PAWR: variants seen among roughly 807,000 people sequenced by gnomAD.
PAWR encodes pro-apoptotic WT1 regulator, also known as PRKC apoptosis WT1 regulator protein.
Under a neutral mutation model 32.0 loss-of-function variants are expected in PAWR, and 23 were observed. The ratio of observed to expected loss-of-function variants is 0.72; its 90% confidence interval spans 0.52 to 1.02. The LOEUF (loss-of-function observed/expected upper bound fraction) is 1.02. PAWR is among the 50% of genes least tolerant of loss of function. The pLI is 0.00. For missense variants in PAWR, 457 were observed against 437.7 expected, an observed-to-expected ratio of 1.04 and a Z score of -0.39; for synonymous variants, 226 against 187.1, an observed-to-expected ratio of 1.21 and a Z score of -1.70.
At chr12:79,656,927 T>G (rs955122779) in intron 2 of PAWR, among the ~76,000 whole-genome samples, 1 of 152,014 alleles carries the variant, frequency 6.6e-6, no homozygotes, top group African/African-American at 2.4e-5. Context: ...AAGATGGAAA[T>G]GGGAGTCCAG....
intron 2 of PAWR, among the ~76,000 whole-genome samples, chr12:79,632,337 A>ATG (rs1875716298): frequency 3.9e-5 from 2 of 50,950 alleles, no homozygotes; most frequent in South Asian, 5.7e-4. Context: ...ATATATATAT[A>ATG]TATATATATA....
rs889662210 is a variant in PAWR at position 79,648,700 on chromosome 12, G to A, written c.517-27493C>T. Reference sequence around the variant, plus strand: ...GCTACCAGGGAGGCAGAGGTGGGAGGGTCACTTGAGCCCAGGAAGTCGAAG... The same window carrying A: ...GCTACCAGGGAGGCAGAGGTGGGAGAGTCACTTGAGCCCAGGAAGTCGAAG... On this transcript the variant is annotated intron_variant, in intron 2 of 6. Coordinates refer to ENST00000328827, the MANE Select transcript of PAWR (RefSeq NM_002583.4). 3.3e-5 allele frequency among the ~76,000 whole-genome samples: 5 copies of A among 151,228 alleles called. No homozygotes were observed. In the East Asian group the frequency reaches 9.7e-4, roughly 29 times the overall value.
intron 2 of PAWR, among the ~76,000 whole-genome samples, chr12:79,664,699 T>C (rs1019674578): frequency 6.6e-6 from 1 of 150,558 alleles, no homozygotes; most frequent in Non-Finnish European, 1.5e-5. Flanking sequence ...TGCTATGTTG[T>C]CCAGGCCAGC....
At chr12:79,604,827 T>A (rs1011731934) in intron 4 of PAWR, 5 of 405,938 alleles carry the variant, frequency 1.2e-5, no homozygotes, top group African/African-American at 1.1e-4. Flanking sequence ...TTGATACATA[T>A]TTATTATAGA....
chr12:79,600,056 T>C (rs748413729), intron 4 of PAWR, among the ~76,000 whole-genome samples: 1 of 152,254 alleles, frequency 6.6e-6, no homozygotes, highest in Non-Finnish European at 1.5e-5. Context: ...ATAGCCAGTG[T>C]ATCTCCAAAC....
intron 2 of PAWR, among the ~76,000 whole-genome samples, chr12:79,632,771 C>A (rs1204071784): frequency 1.3e-5 from 2 of 151,860 alleles, no homozygotes; most frequent in Admixed American, 1.3e-4. Flanking sequence ...TCCATATATA[C>A]CCTCCCACTA....
intron 4 of PAWR, among the ~76,000 whole-genome samples, chr12:79,612,688 A>T (rs528588179): frequency 6.6e-6 from 1 of 152,302 alleles, no homozygotes; most frequent in South Asian, 2.1e-4. Context: ...ATGTAAAGCA[A>T]TTTGGACACA....
chr12:79,685,545 G>A (rs1383032778), intron 2 of PAWR, among the ~76,000 whole-genome samples: 3 of 152,078 alleles, frequency 2.0e-5, no homozygotes, highest in Non-Finnish European at 4.4e-5. Flanking sequence ...TATGGAGTAG[G>A]TGTCATGACC....
chr12:79,621,088 G>T lies in PAWR; in HGVS notation c.636C>A (p.Ser212=). Reference sequence around the variant, plus strand: ...TTTAAATACTCACCTGTAGCAGATAGGAACTGCCTGGATCTAGTAAGTTTA... The same window carrying T: ...TTTAAATACTCACCTGTAGCAGATATGAACTGCCTGGATCTAGTAAGTTTA... ...EAVNLLDPGS[S]YLLQEPPRTV... Residue 212 remains serine (S), a synonymous_variant, in exon 3 of 7, where the codon TCC becomes TCA. Transcript: ENST00000328827. The T allele has an allele frequency of 6.3e-7, 1 of 1,597,686 alleles. No homozygotes were observed.
At position 79,594,401 on chromosome 12, in the gene PAWR, T is replaced by C; in HGVS notation, c.864A>G (p.Arg288=). 2 of 1,558,488 alleles carry C rather than the reference T, an allele frequency of 1.3e-6. No homozygotes were observed. The highest frequency in any genetic ancestry group is 1.8e-6 in the Non-Finnish European group (2 of 1,139,452). ...CTTTATCTTGCATCAGTCTCACAAG[T>C]CTTAGGTTTTCTTGTCTTTCTCTTA... ...EVVRERQENL[R]LVRLMQDKEE... is the part of the protein sequence containing the mutation. Residue 288 remains arginine (R), a synonymous_variant, in exon 6 of 7, where the codon AGA becomes AGG. Coordinates refer to ENST00000328827, the MANE Select transcript of PAWR (RefSeq NM_002583.4).
chr12:79,673,407 A>T (rs771871468), intron 2 of PAWR, among the ~76,000 whole-genome samples: 4 of 152,226 alleles, frequency 2.6e-5, no homozygotes, highest in Non-Finnish European at 5.9e-5. Context: ...CTACCAATAC[A>T]AAGAGAGAAA....
In PAWR at chr12:79,588,696, T is replaced by C. The variant is rs372116362; in HGVS notation, c.*3911A>G. The C allele has an allele frequency of 1.3e-5, 2 of 152,128 alleles. No individual in the cohort carries two copies. The highest frequency in any genetic ancestry group is 1.9e-4 in the East Asian group (1 of 5,186). 9.4% of individuals were successfully genotyped at this position (152,128 alleles called of 1,614,324 possible). On this transcript the variant is annotated 3_prime_UTR_variant, in exon 7 of 7. Transcript: ENST00000328827. Reference sequence around the variant, plus strand: ...TTTAAAGATTCTGTAACACCTGTAATAGTATTTAATACAGCTCCCACATAC... The same window carrying C: ...TTTAAAGATTCTGTAACACCTGTAACAGTATTTAATACAGCTCCCACATAC...
rs1339853243 is a variant in PAWR at position 79,626,163 on chromosome 12, T to A, written c.517-4956A>T. Among the ~76,000 whole-genome samples, 87 of 82,104 alleles carry A rather than the reference T, an allele frequency of 1.1e-3. 3 individuals are homozygous for A. The highest frequency in any genetic ancestry group is 2.2e-3 in the African/African-American group (61 of 28,116). 53.9% of individuals were successfully genotyped at this position (82,104 alleles called of 152,430 possible). On this transcript the variant is annotated intron_variant, in intron 2 of 6. Transcript: ENST00000328827. ...TGGGCTACAGAGTGAGACTCCATCT[T>A]AAAAAAAAAAAAAAAAAAAAAAGAA...
At chr12:79,685,686 A>G (rs1342567592) in intron 2 of PAWR, among the ~76,000 whole-genome samples, 1 of 152,184 alleles carries the variant, frequency 6.6e-6, no homozygotes, top group Non-Finnish European at 1.5e-5. Flanking sequence ...TATAGGTTAG[A>G]GGGTCAGAGG....
Position 79,593,740 on chromosome 12 carries a change from C to T in PAWR, c.936+589G>A, listed in dbSNP as rs565679356. The stretch of plus-strand genomic sequence containing the variant: ...TTTTTGAGACAGAGTCTTACTCTTG[C>T]TGCCCAGGCTGGAGTGCAGCAGCGC... On this transcript the variant is annotated intron_variant, in intron 6 of 6. Transcript: ENST00000328827. 2.4e-4 allele frequency among the ~76,000 whole-genome samples: 34 copies of T among 139,918 alleles called. No individual in the cohort carries two copies. The East Asian group carries it at 5.2e-3, about 21-fold the overall frequency. 91.8% of individuals were successfully genotyped at this position (139,918 alleles called of 152,430 possible).
At chr12:79,623,989 G>A (rs1190100582) in intron 2 of PAWR, among the ~76,000 whole-genome samples, 1 of 151,962 alleles carries the variant, frequency 6.6e-6, no homozygotes, top group East Asian at 1.9e-4. Context: ...ATGAACAGTA[G>A]GAGAAGCAAA....
rs201454343 is a variant in PAWR at position 79,593,706 on chromosome 12, T to TG, written c.936+622_936+623insC. ...TAAAGAGTACCAATTTTAGGGTTTT[T>TG]TTTTTTTTTTTTTGAGACAGAGTCT... On this transcript the variant is annotated intron_variant, in intron 6 of 6. Transcript: ENST00000328827. Among the ~76,000 whole-genome samples, 575 of 148,366 alleles carry TG rather than the reference T, an allele frequency of 3.9e-3. 11 individuals are homozygous for TG. Among genetic ancestry groups the TG allele is most frequent in the African/African-American group, 0.013 (545 of 40,536 alleles).
At chr12:79,678,613 T>G (rs1878286124) in intron 2 of PAWR, among the ~76,000 whole-genome samples, 1 of 152,274 alleles carries the variant, frequency 6.6e-6, no homozygotes, top group Non-Finnish European at 1.5e-5. Context: ...TGAGTTAATG[T>G]GAAGATTAGA....
chr12:79,627,554 G>A (rs1875399328), intron 2 of PAWR, among the ~76,000 whole-genome samples: 1 of 152,072 alleles, frequency 6.6e-6, no homozygotes, highest in Non-Finnish European at 1.5e-5. Context: ...TGTTCACTCT[G>A]ATGGTAGTTT....
Sources: allele counts gnomAD v4.1 joint callset (sites outside exome capture counted in the v4.1 genomes callset), GRCh38; gene constraint gnomAD v4.1.1; transcripts MANE v1.5; gene names NCBI Gene and HGNC (gene_info 2026-07-23, HGNC 2026-07-21).